The following C2orf49 variants were observed in gnomAD, a reference collection of about 807,000 sequenced individuals.
C2orf49 encodes the protein tRNA splicing ligase complex subunit 2, also known as tRNA-splicing ligase complex subunit ASW.
A neutral mutation model predicts 20.6 loss-of-function variants in C2orf49; 11 were observed. The ratio of observed to expected loss-of-function variants is 0.53; its 90% CI spans 0.34 to 0.88. C2orf49 has a LOEUF of 0.88. C2orf49 is among the 40% of genes least tolerant of loss of function. The pLI is 0.02. For synonymous variants in C2orf49, 134 were observed against 108.5 expected (o/e 1.24, Z -1.46); for missense variants, 289 against 274.2 (o/e 1.05, Z -0.38).
At chr2:105,354,463 G>A in the C2orf49 span, among the ~76,000 whole-genome samples, 6 of 151,986 alleles carry the variant, frequency 3.9e-5, no homozygotes, top group African/African-American at 1.2e-4. Context: ...TCAGGAGTTC[G>A]AGACCAGCCT....
At chr2:105,366,125 G>T in the C2orf49 span, among the ~76,000 whole-genome samples, 1 of 151,888 alleles carries the variant, frequency 6.6e-6, no homozygotes, top group East Asian at 1.9e-4. Context: ...AGGAGAAATT[G>T]CTCGAACCCA....
At chr2:105,343,779 T>C (rs1331255985) in intron 3 of C2orf49, among the ~76,000 whole-genome samples, 1 of 152,124 alleles carries the variant, frequency 6.6e-6, no homozygotes. Flanking sequence ...GTTGAATCAT[T>C]TGGATGCTTG....
At chr2:105,383,593 T>G in the C2orf49 span, among the ~76,000 whole-genome samples, 1 of 152,296 alleles carries the variant, frequency 6.6e-6, no homozygotes, top group African/African-American at 2.4e-5. Context: ...CACATGAACA[T>G]GTCCTTTAGA....
chr2:105,363,741 A>G, the C2orf49 span, among the ~76,000 whole-genome samples: 1 of 152,190 alleles, frequency 6.6e-6, no homozygotes, highest in South Asian at 2.1e-4. Context: ...TCTAAGGCAT[A>G]GGGTGCCTCA....
At chr2:105,364,564 TG>T in the C2orf49 span, among the ~76,000 whole-genome samples, 1 of 152,258 alleles carries the variant, frequency 6.6e-6, no homozygotes, top group Non-Finnish European at 1.5e-5. Flanking sequence ...CTCCAAATGT[TG>T]CATCTCACAT....
In C2orf49 at chr2:105,347,503, CATT is replaced by C. The variant is rs1679843400; in HGVS notation, c.*2133_*2135del. The stretch of plus-strand genomic sequence containing the variant: ...TGGTAATAACAGCTGAACTGTGTAA[CATT>C]GTTGCTTCAAATTGAAGTTTATATT... On this transcript the variant is annotated 3_prime_UTR_variant, in exon 4 of 4. Coordinates refer to ENST00000258457, the MANE Select transcript of C2orf49 (RefSeq NM_024093.3). 1 of 152,140 alleles carries C rather than the reference CATT, an allele frequency of 6.6e-6. No homozygotes were observed. The highest frequency in any genetic ancestry group is 1.5e-5 in the Non-Finnish European group (1 of 68,028). The allele number at this position is 152,140 out of a possible 1,614,324, so 9.4% of individuals were successfully genotyped here. A position where few individuals can be genotyped will look rare whatever the true frequency, so the allele number is the denominator to read the frequency against.
chr2:105,371,794 G>T, the C2orf49 span, among the ~76,000 whole-genome samples: 1 of 152,172 alleles, frequency 6.6e-6, no homozygotes, highest in Admixed American at 6.5e-5. Context: ...ACTAGTAAGG[G>T]TTTAATTTGT....
At chr2:105,373,855 G>A in the C2orf49 span, 2 of 848,540 alleles carry the variant, frequency 2.4e-6, no homozygotes, top group Admixed American at 4.4e-5. Context: ...AGGCACCCTG[G>A]CGCACCCACA....
the C2orf49 span, among the ~76,000 whole-genome samples, chr2:105,357,006 G>C: frequency 6.6e-6 from 1 of 152,064 alleles, no homozygotes; most frequent in Non-Finnish European, 1.5e-5. Context: ...GCTGTTCACA[G>C]GTGCTGTTTT....
chr2:105,363,542 A>G, the C2orf49 span: 1 of 1,386,832 alleles, frequency 7.2e-7, no homozygotes, highest in Non-Finnish European at 9.8e-7. Context: ...AGCTACTGCC[A>G]CTGGACGATG....
chr2:105,352,429 G>GTTTT (rs61585149), downstream of C2orf49, among the ~76,000 whole-genome samples: 713 of 80,670 alleles, frequency 8.8e-3, 14 homozygotes, highest in African/African-American at 0.022. Context: ...GTTTGTTTGG[G>GTTTT]TTTTTTTTTT....
chr2:105,367,568 A>G, the C2orf49 span: 1 of 1,609,954 alleles, frequency 6.2e-7, no homozygotes, highest in Non-Finnish European at 8.5e-7. Context: ...CATCTGAGAT[A>G]CCTTTTTGCA....
Position 105,345,423 on chromosome 2 carries a change from G to C in C2orf49, c.*52G>C. ...ACTGTAACTGTAGTTTTTCAAATAT[G>C]TTCATATATATTGACAATATTTACA... On this transcript the variant is annotated 3_prime_UTR_variant, in exon 4 of 4. Coordinates refer to ENST00000258457, the MANE Select transcript of C2orf49 (RefSeq NM_024093.3). 1.5e-6 allele frequency: 2 copies of C among 1,309,516 alleles called. No homozygotes were observed. The highest frequency in any genetic ancestry group is 2.2e-6 in the Non-Finnish European group (2 of 915,136). The allele number at this position is 1,309,516 out of a possible 1,614,324, so 81.1% of individuals were successfully genotyped here.
intron 3 of C2orf49, among the ~76,000 whole-genome samples, chr2:105,343,789 G>C (rs1679738488): frequency 6.6e-6 from 1 of 152,088 alleles, no homozygotes; most frequent in Non-Finnish European, 1.5e-5. Flanking sequence ...TTGGATGCTT[G>C]TTGGCACATT....
chr2:105,364,383 G>A, the C2orf49 span, among the ~76,000 whole-genome samples: 1 of 152,248 alleles, frequency 6.6e-6, no homozygotes, highest in East Asian at 1.9e-4. Context: ...GCCGGGACTA[G>A]CACCTGCTGA....
chr2:105,366,387 G>A, the C2orf49 span, among the ~76,000 whole-genome samples: 1 of 152,202 alleles, frequency 6.6e-6, no homozygotes, highest in Non-Finnish European at 1.5e-5. Flanking sequence ...AGGCCCCAAG[G>A]GCAAAACAGC....
At chr2:105,363,119 C>G in the C2orf49 span, 1 of 626,658 alleles carries the variant, frequency 1.6e-6, no homozygotes, top group South Asian at 2.1e-5. Context: ...TGAAGCATAG[C>G]CAGTGCACCA....
the C2orf49 span, chr2:105,373,714 C>T: frequency 6.8e-6 from 11 of 1,614,036 alleles, no homozygotes; most frequent in East Asian, 2.2e-5. Context: ...ATGCCAGTGC[C>T]GGTCCTTGTA....
the C2orf49 span, among the ~76,000 whole-genome samples, chr2:105,362,385 C>CT: frequency 2.6e-5 from 4 of 152,140 alleles, no homozygotes; most frequent in African/African-American, 9.7e-5. Flanking sequence ...GGTGAGTTAG[C>CT]TGAGTTAGGT....
Sources: gnomAD v4.1 joint callset for allele counts (sites outside exome capture counted in the v4.1 genomes callset) on GRCh38, gnomAD v4.1.1 for gene constraint, MANE v1.5 for transcripts, NCBI Gene and HGNC (gene_info 2026-07-23, HGNC 2026-07-21) for gene names.